EPHA7: variants seen among roughly 807,000 people sequenced by gnomAD.
The protein encoded by EPHA7 is EPH receptor A7, also known as ephrin type-A receptor 7.
Under a neutral mutation model 112.6 loss-of-function variants are expected in EPHA7, and 25 were observed. The observed-to-expected ratio is 0.22, with a 90% confidence interval of 0.16 to 0.31. The LOEUF is 0.31. Among genes scored for constraint, EPHA7 ranks in the 10% least tolerant of loss-of-function variants. The probability of loss-of-function intolerance (pLI) is 1.00; values close to 1 mark genes in which losing one functional copy is unlikely to be tolerated. For synonymous variants in EPHA7, 437 were observed against 406.5 expected, an observed-to-expected ratio of 1.07 and a Z score of -0.90; for missense variants, 962 against 1,212.6, an observed-to-expected ratio of 0.79 and a Z score of 3.07.
At chr6:93,337,938 T>C (rs1176792294) in intron 5 of EPHA7, among the ~76,000 whole-genome samples, 2 of 150,940 alleles carry the variant, frequency 1.3e-5, no homozygotes, top group African/African-American at 4.9e-5. Context: ...AAGGAAGAAA[T>C]GGAGTGAGGA....
At chr6:93,250,960 A>G (rs1770180639) in intron 14 of EPHA7, among the ~76,000 whole-genome samples, 1 of 152,132 alleles carries the variant, frequency 6.6e-6, no homozygotes, top group African/African-American at 2.4e-5. Flanking sequence ...AAGTGTTTCC[A>G]TATTATTACA....
intron 1 of EPHA7, among the ~76,000 whole-genome samples, chr6:93,417,352 T>C (rs1357500508): frequency 6.6e-6 from 1 of 152,088 alleles, no homozygotes; most frequent in Non-Finnish European, 1.5e-5. Flanking sequence ...TGGTCGCCGC[T>C]GCGCCCTAGA....
intron 5 of EPHA7, among the ~76,000 whole-genome samples, chr6:93,337,180 C>A (rs1410091915): frequency 3.9e-5 from 6 of 152,036 alleles, no homozygotes; most frequent in Admixed American, 3.3e-4. Flanking sequence ...GGAGACTGAC[C>A]CAGAACACTG....
chr6:93,270,977 A>G (rs959498240), intron 6 of EPHA7, among the ~76,000 whole-genome samples: 1 of 151,860 alleles, frequency 6.6e-6, no homozygotes, highest in Non-Finnish European at 1.5e-5. Context: ...AAATATTTGC[A>G]AAATATTTCA....
chr6:93,367,607 G>A (rs1776579916), intron 3 of EPHA7, among the ~76,000 whole-genome samples: 1 of 151,966 alleles, frequency 6.6e-6, no homozygotes, highest in Admixed American at 6.6e-5. Context: ...TCAATTATAA[G>A]ACTGTTAGAA....
intron 5 of EPHA7, among the ~76,000 whole-genome samples, chr6:93,281,319 T>A (rs149673704): frequency 6.6e-6 from 1 of 152,304 alleles, no homozygotes; most frequent in African/African-American, 2.4e-5. Flanking sequence ...AACTTCTATT[T>A]TGATTGGTGA....
intron 3 of EPHA7, among the ~76,000 whole-genome samples, chr6:93,404,657 G>GGAGA (rs144557748): frequency 1.8e-4 from 27 of 147,706 alleles, no homozygotes; most frequent in East Asian, 1.0e-3. Context: ...TTAGAGAGAG[G>GGAGA]GAGAGAGAGA....
At chr6:93,405,677 A>T (rs988247630) in intron 3 of EPHA7, among the ~76,000 whole-genome samples, 2 of 150,854 alleles carry the variant, frequency 1.3e-5, no homozygotes. Flanking sequence ...GTTTGGAGAG[A>T]TTGTCCTACT....
At chr6:93,269,228 C>A (rs975048568) in intron 7 of EPHA7, among the ~76,000 whole-genome samples, 1 of 151,568 alleles carries the variant, frequency 6.6e-6, no homozygotes, top group Non-Finnish European at 1.5e-5. Context: ...TCTAATTTCA[C>A]CTTTTTCAAA....
chr6:93,282,435 G>T (rs1771789218), intron 5 of EPHA7, among the ~76,000 whole-genome samples: 1 of 152,254 alleles, frequency 6.6e-6, no homozygotes, highest in Non-Finnish European at 1.5e-5. Context: ...AAATAAATTA[G>T]AATAAAAATT....
intron 5 of EPHA7, among the ~76,000 whole-genome samples, chr6:93,305,143 C>T (rs1773187593): frequency 1.3e-5 from 2 of 151,604 alleles, no homozygotes; most frequent in Admixed American, 1.3e-4. Flanking sequence ...TTCCCTATTA[C>T]TTCCTGGTAC....
intron 3 of EPHA7, among the ~76,000 whole-genome samples, chr6:93,402,196 C>A (rs950104256): frequency 2.0e-5 from 3 of 151,972 alleles, no homozygotes; most frequent in Non-Finnish European, 4.4e-5. Context: ...GTTCTCCCCC[C>A]TTTCATCAGT....
chr6:93,334,485 T>C (rs1437386778), intron 5 of EPHA7, among the ~76,000 whole-genome samples: 1 of 151,988 alleles, frequency 6.6e-6, no homozygotes, highest in African/African-American at 2.4e-5. Flanking sequence ...ATTTGCAAAT[T>C]TGGCATCCAA....
At chr6:93,364,480 T>C (rs1776407344) in intron 3 of EPHA7, among the ~76,000 whole-genome samples, 1 of 141,998 alleles carries the variant, frequency 7.0e-6, no homozygotes, top group South Asian at 2.2e-4. Flanking sequence ...GCCGAGATGG[T>C]GCCACTGCAC....
At chr6:93,369,207 C>CACAT (rs994642504) in intron 3 of EPHA7, among the ~76,000 whole-genome samples, 7 of 151,634 alleles carry the variant, frequency 4.6e-5, no homozygotes, top group African/African-American at 1.7e-4. Context: ...CACACACACA[C>CACAT]ACACACACAC....
intron 2 of EPHA7, 83 bp downstream of exon 2, chr6:93,414,620 G>C (rs1226424858): frequency 1.0e-6 from 1 of 993,514 alleles, no homozygotes; most frequent in East Asian, 2.4e-5. Context: ...TACATGAAGA[G>C]TGTGAATAAT....
chr6:93,266,065 G>C (rs967607549), intron 7 of EPHA7, among the ~76,000 whole-genome samples: 3 of 151,588 alleles, frequency 2.0e-5, no homozygotes, highest in Non-Finnish European at 4.4e-5. Context: ...ATTGCTCCCT[G>C]AGGGAACTTA....
intron 12 of EPHA7, among the ~76,000 whole-genome samples, chr6:93,256,865 TTTAGA>T (rs1770463161): frequency 6.6e-6 from 1 of 152,156 alleles, no homozygotes; most frequent in Non-Finnish European, 1.5e-5. Flanking sequence ...TCTCTTTTTC[TTTAGA>T]TTATTTTTTC....
chr6:93,289,335 T>A lies in EPHA7; in HGVS notation c.1325-16913A>T, dbSNP rs79231059. Among the ~76,000 whole-genome samples the A allele has an allele frequency of 2.5e-3, 379 of 152,280 alleles. 17 individuals are homozygous for A. The East Asian group carries it at 0.067, about 27-fold the overall frequency. On this transcript the variant is annotated intron_variant, in intron 5 of 16. Coordinates refer to ENST00000369303, the MANE Select transcript of EPHA7 (RefSeq NM_004440.4). ...TCAGCAATAATTTTTTTGATAATTTTTAATATATCACTAAGAAATTTTGAT... is the reference window on the plus strand; with the variant it reads ...TCAGCAATAATTTTTTTGATAATTTATAATATATCACTAAGAAATTTTGAT...
Sources: gnomAD v4.1 joint callset for allele counts (sites outside exome capture counted in the v4.1 genomes callset) on GRCh38, gnomAD v4.1.1 for gene constraint, MANE v1.5 for transcripts, NCBI Gene and HGNC (gene_info 2026-07-23, HGNC 2026-07-21) for gene names.